Variants in CEP112 observed in about 807,000 individuals in gnomAD.
The protein encoded by CEP112 is centrosomal protein of 112 kDa.
In CEP112, 127 loss-of-function variants were observed where a neutral mutation model predicts 153.0. The observed-to-expected ratio is 0.83, with a 90% confidence interval of 0.72 to 0.96. CEP112 has a LOEUF of 0.96. CEP112 is among the 40% of genes least tolerant of loss of function. The pLI is 0.00. For synonymous variants in CEP112, 358 were observed against 374.4 expected (o/e 0.96, Z 0.51); for missense variants, 1,089 against 1,101.2 (o/e 0.99, Z 0.16).
chr17:65,795,341 A>G (rs11871378), intron 21 of CEP112, among the ~76,000 whole-genome samples: 2 of 152,294 alleles, frequency 1.3e-5, no homozygotes, highest in South Asian at 2.1e-4. Flanking sequence ...TAATTACTTC[A>G]CCAATTACAA....
At chr17:66,003,956 C>A (rs1225434292) in intron 17 of CEP112, among the ~76,000 whole-genome samples, 1 of 151,446 alleles carries the variant, frequency 6.6e-6, no homozygotes, top group Non-Finnish European at 1.5e-5. Flanking sequence ...AGTTTGAGGA[C>A]CACTGATTGA....
chr17:66,166,178 T>C (rs2071947940), intron 4 of CEP112, among the ~76,000 whole-genome samples: 1 of 152,124 alleles, frequency 6.6e-6, no homozygotes, highest in Non-Finnish European at 1.5e-5. Context: ...TCCTAAGCAA[T>C]CTGGTGTAGG....
At chr17:65,762,739 T>C (rs2052684017) in intron 21 of CEP112, among the ~76,000 whole-genome samples, 2 of 152,044 alleles carry the variant, frequency 1.3e-5, no homozygotes, top group South Asian at 4.1e-4. Context: ...TGTTATTTTT[T>C]GTATTACTGC....
chr17:65,890,725 G>C (rs1247122601), intron 20 of CEP112, among the ~76,000 whole-genome samples: 1 of 152,140 alleles, frequency 6.6e-6, no homozygotes, highest in Non-Finnish European at 1.5e-5. Flanking sequence ...AATGGACCAA[G>C]GGGATATTAA....
chr17:65,972,715 T>TG (rs2145016908), intron 17 of CEP112, among the ~76,000 whole-genome samples: 1 of 152,346 alleles, frequency 6.6e-6, no homozygotes, highest in African/African-American at 2.4e-5. Context: ...ATTTTATATG[T>TG]GTTAAAAGGA....
intron 17 of CEP112, among the ~76,000 whole-genome samples, chr17:65,988,076 C>T (rs2063469399): frequency 6.6e-6 from 1 of 152,106 alleles, no homozygotes; most frequent in African/African-American, 2.4e-5. Context: ...CAGCCCAGGT[C>T]CCCTAGGCAC....
intron 24 of CEP112, among the ~76,000 whole-genome samples, chr17:65,660,844 T>C (rs2046355778): frequency 6.6e-6 from 1 of 152,126 alleles, no homozygotes. Flanking sequence ...GGCCATACCT[T>C]GATTTCTGTT....
chr17:66,153,356 G>A (rs1015849284), intron 4 of CEP112, among the ~76,000 whole-genome samples: 1 of 149,920 alleles, frequency 6.7e-6, no homozygotes, highest in South Asian at 2.1e-4. Flanking sequence ...TCAGGAACAC[G>A]AAGGAATGAA....
intron 16 of CEP112, among the ~76,000 whole-genome samples, chr17:66,007,134 A>C (rs1175766414): frequency 6.6e-6 from 1 of 152,194 alleles, no homozygotes; most frequent in Non-Finnish European, 1.5e-5. Context: ...TATAAACTGA[A>C]AGAAAGTGAG....
At chr17:66,097,565 T>C (rs981856754) in intron 6 of CEP112, among the ~76,000 whole-genome samples, 2 of 152,196 alleles carry the variant, frequency 1.3e-5, no homozygotes, top group Non-Finnish European at 2.9e-5. Flanking sequence ...TATCAGCTCC[T>C]AAAGTATCCT....
Position 65,927,132 on chromosome 17 carries a change from G to A in CEP112, c.1980+450C>T, listed in dbSNP as rs116260955. 1.3e-3 allele frequency among the ~76,000 whole-genome samples: 201 copies of A among 152,130 alleles called. 2 individuals carry two copies. The highest frequency in any genetic ancestry group is 4.6e-3 in the African/African-American group (190 of 41,518). On this transcript the variant is annotated intron_variant, in intron 19 of 26. Coordinates refer to ENST00000535342, the MANE Select transcript of CEP112 (RefSeq NM_001199165.4). ...GTGACCTGGTCATTTAAAAGTGTAC[G>A]GCACCTCCTCGCTTCTCTCTCTCTC... is the stretch of plus-strand genomic sequence containing the variant.
chr17:65,953,377 T>TATGGAGACTC (rs1568284105), intron 18 of CEP112, among the ~76,000 whole-genome samples: 1 of 152,150 alleles, frequency 6.6e-6, no homozygotes, highest in East Asian at 1.9e-4. Flanking sequence ...CAGAGAAGTG[T>TATGGAGACTC]ATGGAGACTC....
chr17:65,826,310 C>A (rs778705550), intron 21 of CEP112: 1 of 1,613,956 alleles, frequency 6.2e-7, no homozygotes, highest in Non-Finnish European at 8.5e-7. Context: ...CTTCGTTGAC[C>A]CCCATTAAGA....
At chr17:65,993,402 AT>A (rs1447752008) in intron 17 of CEP112, among the ~76,000 whole-genome samples, 4 of 152,208 alleles carry the variant, frequency 2.6e-5, no homozygotes, top group Non-Finnish European at 5.9e-5. Context: ...CAATGAACAT[AT>A]GTATGCATGT....
chr17:66,183,371 A>T, intron 1 of CEP112, 64 bp from the exon 2 acceptor site: 1 of 1,159,412 alleles, frequency 8.6e-7, no homozygotes, highest in Non-Finnish European at 1.2e-6. Flanking sequence ...AACTCTGATG[A>T]GAAAGATAAA....
At chr17:66,068,890 T>C (rs1332876620) in intron 9 of CEP112, among the ~76,000 whole-genome samples, 1 of 152,014 alleles carries the variant, frequency 6.6e-6, no homozygotes, top group Non-Finnish European at 1.5e-5. Flanking sequence ...AACATACTTA[T>C]GATAGAGAAC....
chr17:66,016,266 C>G (rs1385248277), intron 16 of CEP112, among the ~76,000 whole-genome samples: 1 of 152,128 alleles, frequency 6.6e-6, no homozygotes, highest in African/African-American at 2.4e-5. Flanking sequence ...AATGCTTTCC[C>G]ACAGACTCCA....
intron 21 of CEP112, among the ~76,000 whole-genome samples, chr17:65,762,099 T>C (rs1033676505): frequency 3.3e-5 from 5 of 152,070 alleles, no homozygotes; most frequent in African/African-American, 1.2e-4. Context: ...GCCTCACGTA[T>C]TTTGATGTTC....
At chr17:65,870,897 A>T (rs1390646811) in intron 20 of CEP112, among the ~76,000 whole-genome samples, 1 of 152,202 alleles carries the variant, frequency 6.6e-6, no homozygotes, top group East Asian at 1.9e-4. Flanking sequence ...AAGTAATTGG[A>T]GAGAAGGTTT....
Sources: gnomAD v4.1 joint callset for allele counts (sites outside exome capture counted in the v4.1 genomes callset) on GRCh38, gnomAD v4.1.1 for gene constraint, MANE v1.5 for transcripts, NCBI Gene and HGNC (gene_info 2026-07-23, HGNC 2026-07-21) for gene names.